The following ANO2 variants were observed in gnomAD, a reference collection of about 807,000 sequenced individuals.
The protein encoded by ANO2 is anoctamin 2.
A neutral mutation model predicts 124.2 loss-of-function variants in ANO2; 101 were observed. That is an observed-to-expected ratio of 0.81 (90% confidence interval 0.69 to 0.96). The LOEUF (loss-of-function observed/expected upper bound fraction) is 0.96, where lower values mean the gene tolerates loss of function less well. ANO2 is among the 40% of genes least tolerant of loss of function. ANO2 has a pLI of 0.00. For missense variants in ANO2, 1,293 were observed against 1,274.5 expected (o/e 1.01, Z -0.22); for synonymous variants, 486 against 482.5 (o/e 1.01, Z -0.09).
At chr12:5,820,243 C>T (rs1953743727) in intron 7 of ANO2, among the ~76,000 whole-genome samples, 1 of 152,130 alleles carries the variant, frequency 6.6e-6, no homozygotes, top group Non-Finnish European at 1.5e-5. Flanking sequence ...AGGAGACCTC[C>T]AGCCTTTTAT....
chr12:5,854,140 T>A lies in ANO2; in HGVS notation c.536A>T (p.Asn179Ile). The A allele has an allele frequency of 6.2e-7, 1 of 1,611,882 alleles. No homozygotes were observed. Among genetic ancestry groups the A allele is most frequent in the South Asian group, 1.1e-5 (1 of 91,038 alleles). The part of the protein sequence containing the change: ...AGLELEKDLE[N>I]KSQGSIFVRI... The stretch of plus-strand genomic sequence containing the variant: ...GACAAAGATGGATCCCTGGCTTTTA[T>A]TCTGCAAGGTACAAAGAAAGAACAA... The change falls in exon 4 of 25, where the codon AAT becomes ATT. Residue 179 changes from asparagine to isoleucine, a missense_variant and splice_region_variant. Physicochemically the swap from Asn to Ile is moderately radical, Grantham distance 149. Coordinates refer to ENST00000682330, the MANE Select transcript of ANO2 (RefSeq NM_001364791.2).
intron 23 of ANO2, 101 bp from the exon 24 acceptor site, chr12:5,565,764 G>C (rs552248454): frequency 6.6e-6 from 6 of 904,932 alleles, no homozygotes; most frequent in Non-Finnish European, 8.4e-6. Flanking sequence ...CATCAGGCAC[G>C]CATGCCCTTG....
chr12:5,800,634 A>G (rs534072614), intron 9 of ANO2, among the ~76,000 whole-genome samples: 1 of 152,364 alleles, frequency 6.6e-6, no homozygotes, highest in East Asian at 1.9e-4. Flanking sequence ...ATGAGAATAA[A>G]TAAGAACTTG....
intron 19 of ANO2, 107 bp downstream of exon 19, chr12:5,612,549 C>T: frequency 2.3e-6 from 2 of 880,768 alleles, no homozygotes; most frequent in South Asian, 3.1e-5. Context: ...ATTAAATCAC[C>T]AAGCTGTCTA....
At chr12:5,620,655 C>T (rs1335230623) in intron 16 of ANO2, among the ~76,000 whole-genome samples, 3 of 151,978 alleles carry the variant, frequency 2.0e-5, no homozygotes, top group Non-Finnish European at 2.9e-5. Context: ...AGGAGTTGAA[C>T]TAGAATTCTA....
intron 10 of ANO2, among the ~76,000 whole-genome samples, chr12:5,784,031 T>A (rs1457510674): frequency 6.6e-6 from 1 of 152,228 alleles, no homozygotes; most frequent in Non-Finnish European, 1.5e-5. Flanking sequence ...TGACCTTGCC[T>A]GCCTTTCCTG....
intron 14 of ANO2, among the ~76,000 whole-genome samples, chr12:5,667,476 T>C (rs10849316): frequency 0.43 from 64,181 of 149,828 alleles, 15,070 homozygotes; most frequent in Middle Eastern, 0.59. Flanking sequence ...ATTGTATAAG[T>C]GTGAGTACAA....
intron 20 of ANO2, chr12:5,584,135 C>CT (rs1555088550): frequency 1.5e-4 from 24 of 164,654 alleles, no homozygotes; most frequent in Non-Finnish European, 2.5e-4. Flanking sequence ...ATGAACACCC[C>CT]CCCCCCGCCG....
chr12:5,568,706 C>G (rs944424297), intron 23 of ANO2, among the ~76,000 whole-genome samples: 3 of 152,104 alleles, frequency 2.0e-5, no homozygotes, highest in Admixed American at 6.5e-5. Flanking sequence ...GAATAATTTC[C>G]ACCACCGTGA....
intron 10 of ANO2, among the ~76,000 whole-genome samples, chr12:5,756,991 T>C (rs1287670182): frequency 6.6e-6 from 1 of 152,220 alleles, no homozygotes; most frequent in Non-Finnish European, 1.5e-5. Context: ...GTGCTGTCAC[T>C]AGGTGTTCAA....
intron 10 of ANO2, among the ~76,000 whole-genome samples, chr12:5,768,740 G>T (rs556902166): frequency 7.9e-5 from 12 of 152,272 alleles, no homozygotes; most frequent in Non-Finnish European, 1.8e-4. Flanking sequence ...ACAGCAGCTG[G>T]ATTGTCACCA....
intron 4 of ANO2, among the ~76,000 whole-genome samples, chr12:5,851,486 G>A (rs1045103096): frequency 8.6e-5 from 13 of 152,022 alleles, no homozygotes; most frequent in African/African-American, 3.1e-4. Context: ...AGAAATTCGA[G>A]ACCAGCTGGC....
chr12:5,661,854 G>A (rs1947460067), intron 14 of ANO2, among the ~76,000 whole-genome samples: 1 of 152,150 alleles, frequency 6.6e-6, no homozygotes, highest in Non-Finnish European at 1.5e-5. Flanking sequence ...TTTGCTCCAG[G>A]GCCTGTATTC....
In ANO2 at chr12:5,658,875, A is replaced by G. The variant is rs530926922; in HGVS notation, c.1546-11074T>C. On this transcript the variant is annotated intron_variant, in intron 14 of 24. Transcript: ENST00000682330. This position sits in a 1 kb window ranked among gnomAD's most constrained non-coding sequence, Gnocchi z 4.3. ...TGTCATCAATATCATCATCATCATC[A>G]ACATCATTATCATCATTAAAATCAT... Among the ~76,000 whole-genome samples the G allele has an allele frequency of 3.9e-5, 6 of 152,292 alleles. No individual in the cohort carries two copies. Among genetic ancestry groups the G allele is most frequent in the African/African-American group, 1.4e-4 (6 of 41,548 alleles).
At chr12:5,873,773 C>G (rs923291549) in intron 3 of ANO2, among the ~76,000 whole-genome samples, 3 of 152,216 alleles carry the variant, frequency 2.0e-5, no homozygotes, top group African/African-American at 7.2e-5. Flanking sequence ...GCTCTTTGTG[C>G]AGGGGTGGTG....
At chr12:5,882,412 G>A (rs1938564823) in intron 3 of ANO2, among the ~76,000 whole-genome samples, 1 of 152,200 alleles carries the variant, frequency 6.6e-6, no homozygotes, top group East Asian at 1.9e-4. Context: ...TCTACTTGAG[G>A]AAGAGAATTT....
At chr12:5,842,007 C>A (rs1954530462) in intron 4 of ANO2, among the ~76,000 whole-genome samples, 2 of 152,166 alleles carry the variant, frequency 1.3e-5, no homozygotes, top group Non-Finnish European at 2.9e-5. Flanking sequence ...GTTGCTGGGA[C>A]CACAGGTGCA....
intron 10 of ANO2, among the ~76,000 whole-genome samples, chr12:5,764,371 A>T (rs1022888772): frequency 6.6e-6 from 1 of 152,226 alleles, no homozygotes; most frequent in Non-Finnish European, 1.5e-5. Flanking sequence ...AATTGCAAAT[A>T]TTCTCTTACT....
Position 5,758,080 on chromosome 12 carries a change from G to A in ANO2, c.1056-7110C>T, listed in dbSNP as rs140479224. On this transcript the variant is annotated intron_variant, in intron 10 of 24. Transcript: ENST00000682330. ...CCTGGAATCTTCTCTTATTCAAATC[G>A]AAAGCCTTAAACGGAAGAAGGGACC... Among the ~76,000 whole-genome samples, 646 of 152,182 alleles carry A rather than the reference G, an allele frequency of 4.2e-3. 3 individuals carry two copies. The highest frequency in any genetic ancestry group is 0.015 in the African/African-American group (628 of 41,512).
Sources: gnomAD v4.1 joint callset for allele counts (sites outside exome capture counted in the v4.1 genomes callset) on GRCh38, gnomAD v4.1.1 for gene constraint, Gnocchi (gnomAD v3.1) non-coding constraint, MANE v1.5 for transcripts, NCBI Gene and HGNC (gene_info 2026-07-23, HGNC 2026-07-21) for gene names.